Variants in TEKT1 observed in about 807,000 individuals in gnomAD.
TEKT1 encodes the protein tektin 1.
In TEKT1, 32 loss-of-function variants were observed where a neutral mutation model predicts 34.8. That is an observed-to-expected ratio of 0.92 (90% CI 0.69 to 1.23). The LOEUF (loss-of-function observed/expected upper bound fraction) is 1.23, where lower values mean the gene tolerates loss of function less well. Ranked by LOEUF, TEKT1 falls within the 50% of genes most tolerant of loss-of-function variation. The probability of loss-of-function intolerance (pLI) is 0.00; values close to 1 mark genes in which losing one functional copy is unlikely to be tolerated. For missense variants in TEKT1, 492 were observed against 518.5 expected (o/e 0.95, Z 0.50); for synonymous variants, 207 against 199.8 (o/e 1.04, Z -0.30).
intron 2 of TEKT1, among the ~76,000 whole-genome samples, chr17:6,827,081 C>T (rs544774555): frequency 0.012 from 1,885 of 152,230 alleles, 19 homozygotes; most frequent in Middle Eastern, 0.02. Context: ...GTTGCTTTGT[C>T]ATACTCAGAT....
chr17:6,805,961 G>A (rs1046475533), intron 6 of TEKT1, among the ~76,000 whole-genome samples: 2 of 152,288 alleles, frequency 1.3e-5, no homozygotes, highest in South Asian at 2.1e-4. Context: ...GGGGTGGAGA[G>A]TTCTGTAGAT....
intron 3 of TEKT1, among the ~76,000 whole-genome samples, chr17:6,816,954 G>A (rs1387991863): frequency 6.6e-6 from 1 of 152,156 alleles, no homozygotes; most frequent in Non-Finnish European, 1.5e-5. Context: ...TCTCATTGTG[G>A]TTTTGATTTG....
chr17:6,827,610 A>G (rs1386656641), intron 2 of TEKT1, among the ~76,000 whole-genome samples: 1 of 152,110 alleles, frequency 6.6e-6, no homozygotes, highest in Non-Finnish European at 1.5e-5. Context: ...TTTTAGAAGC[A>G]GTTTGCCAAT....
Position 6,815,825 on chromosome 17 carries a change from G to A in TEKT1, c.485+9C>T. The A allele has an allele frequency of 6.2e-7, 1 of 1,614,010 alleles. No homozygotes were observed. The highest frequency in any genetic ancestry group is 1.1e-5 in the South Asian group (1 of 91,034). ...GTGGAGATTTGGAGGGCAGGCCGAA[G>A]AGTCATACCGAATCTGCTCGGAAGC... On this transcript the variant is annotated intron_variant, in intron 4 of 7. Transcript: ENST00000338694.
chr17:6,816,510 C>A (rs769409004), intron 3 of TEKT1, among the ~76,000 whole-genome samples: 2 of 152,086 alleles, frequency 1.3e-5, no homozygotes, highest in South Asian at 2.1e-4. Context: ...TGATAGTTTG[C>A]GCAGAATGAT....
intron 6 of TEKT1, among the ~76,000 whole-genome samples, chr17:6,807,690 A>G (rs1426709921): frequency 6.6e-6 from 1 of 152,220 alleles, no homozygotes; most frequent in Non-Finnish European, 1.5e-5. Flanking sequence ...TCTAACAGTC[A>G]GGACCCTCAG....
At position 6,800,624 on chromosome 17, in the gene TEKT1, A is replaced by G. The variant is rs1043541358; in HGVS notation, c.1049+123T>C. ...TGGTGGAGACTTCCCTCTAGGGGGC[A>G]TTCCTCAAGCATTCCAGAGCAGGCT... On this transcript the variant is annotated intron_variant, in intron 7 of 7. Transcript: ENST00000338694. 3.7e-5 allele frequency: 46 copies of G among 1,228,206 alleles called. No individual in the cohort carries two copies. In the African/African-American group the frequency reaches 6.3e-4, roughly 17 times the overall value. The allele number at this position is 1,228,206 out of a possible 1,614,324, so 76.1% of individuals were successfully genotyped here.
At chr17:6,800,343 C>CTT (rs903351314) in intron 7 of TEKT1, 109 bp from the exon 8 acceptor site, 2 of 820,946 alleles carry the variant, frequency 2.4e-6, no homozygotes, top group Non-Finnish European at 3.7e-6. Context: ...GATATGTGCT[C>CTT]TTCCCCTTCC....
chr17:6,830,958 G>A (rs190374050), intron 1 of TEKT1, among the ~76,000 whole-genome samples: 1 of 152,030 alleles, frequency 6.6e-6, no homozygotes, highest in East Asian at 1.9e-4. Flanking sequence ...ATGGAGTAAT[G>A]TTCTGCCAAA....
chr17:6,824,337 C>A (rs1904337226), intron 2 of TEKT1, among the ~76,000 whole-genome samples: 1 of 151,798 alleles, frequency 6.6e-6, no homozygotes, highest in African/African-American at 2.4e-5. Flanking sequence ...AACAGGCTAC[C>A]CAATGAACTG....
chr17:6,807,795 C>A (rs1034318319), intron 6 of TEKT1, among the ~76,000 whole-genome samples: 1 of 152,150 alleles, frequency 6.6e-6, no homozygotes, highest in African/African-American at 2.4e-5. Flanking sequence ...TATTGGTGAA[C>A]GGCAAATGTT....
At chr17:6,813,584 A>G (rs1976958206) in intron 5 of TEKT1, among the ~76,000 whole-genome samples, 1 of 151,582 alleles carries the variant, frequency 6.6e-6, no homozygotes, top group African/African-American at 2.4e-5. Context: ...ACACACACAC[A>G]CACACACATA....
rs575977423 is a variant in TEKT1 at position 6,805,729 on chromosome 17, G to A, written c.853-4786C>T. ...CTGTCTTCATTTTGTTATGTACCCA[G>A]TAGTCATTCAGGAGCAGGTTGTTCA... On this transcript the variant is annotated intron_variant, in intron 6 of 7. Coordinates refer to ENST00000338694, the MANE Select transcript of TEKT1 (RefSeq NM_053285.2). 4.9e-4 allele frequency among the ~76,000 whole-genome samples: 74 copies of A among 152,328 alleles called. 1 individual carries two copies. In the East Asian group the frequency reaches 0.014, roughly 29 times the overall value.
chr17:6,811,487 G>A lies in TEKT1; in HGVS notation c.852+1344C>T, dbSNP rs1272937713. 3.3e-5 allele frequency among the ~76,000 whole-genome samples: 5 copies of A among 152,176 alleles called. No homozygotes were observed. In the East Asian group the frequency reaches 5.8e-4, roughly 18 times the overall value. On this transcript the variant is annotated intron_variant, in intron 6 of 7. Transcript: ENST00000338694. The surrounding 1 kb of genome is among the most constrained non-coding windows in gnomAD (Gnocchi z 4.4). ...GTCTCCCTAAGGTCACACAGCAAGT[G>A]TTGAAGCCACAGTTCAAACCCAAGA...
chr17:6,804,135 T>C (rs1976814752), intron 6 of TEKT1, among the ~76,000 whole-genome samples: 1 of 152,282 alleles, frequency 6.6e-6, no homozygotes, highest in South Asian at 2.1e-4. Flanking sequence ...TTTTATTTCA[T>C]TGAGCAGTGG....
chr17:6,812,614 T>C (rs1250434665), intron 6 of TEKT1, among the ~76,000 whole-genome samples: 2 of 152,040 alleles, frequency 1.3e-5, no homozygotes, highest in African/African-American at 4.8e-5. Context: ...CAGCAGTGAG[T>C]GACAATGGAG....
At chr17:6,802,652 G>A (rs947759270) in intron 6 of TEKT1, among the ~76,000 whole-genome samples, 13 of 119,486 alleles carry the variant, frequency 1.1e-4, no homozygotes, top group South Asian at 5.7e-4. Flanking sequence ...CCCACAACAG[G>A]CCCTGGTGTG....
chr17:6,823,601 C>T (rs747635229), intron 2 of TEKT1, among the ~76,000 whole-genome samples: 1 of 152,126 alleles, frequency 6.6e-6, no homozygotes, highest in African/African-American at 2.4e-5. Flanking sequence ...GCTTAATCCA[C>T]CATGTAGATG....
chr17:6,809,038 T>C (rs117185818), intron 6 of TEKT1, among the ~76,000 whole-genome samples: 6,786 of 152,188 alleles, frequency 0.045, 220 homozygotes, highest in Admixed American at 0.064. Flanking sequence ...TAAAGAAAAA[T>C]TGAGCAGAAA....
Sources: gnomAD v4.1 joint callset for allele counts (sites outside exome capture counted in the v4.1 genomes callset) on GRCh38, gnomAD v4.1.1 for gene constraint, Gnocchi (gnomAD v3.1) non-coding constraint, MANE v1.5 for transcripts, NCBI Gene and HGNC (gene_info 2026-07-23, HGNC 2026-07-21) for gene names.